ADCY2: variants seen among roughly 807,000 people sequenced by gnomAD.
The protein encoded by ADCY2 is adenylate cyclase 2.
In ADCY2, 31 loss-of-function variants were observed where a neutral mutation model predicts 125.2. The observed-to-expected ratio is 0.25, with a 90% CI of 0.19 to 0.33. The LOEUF (loss-of-function observed/expected upper bound fraction) is 0.33. Ranked by LOEUF, ADCY2 falls within the 10% of genes least tolerant of loss-of-function variation. ADCY2 has a pLI of 1.00. For synonymous variants in ADCY2, 512 were observed against 548.4 expected (o/e 0.93, Z 0.93); for missense variants, 904 against 1,418.2 (o/e 0.64, Z 5.82).
rs1744423216 is a variant in ADCY2, at chr5:7,520,915, C to T, written c.570+16C>T. The stretch of plus-strand genomic sequence containing the variant: ...GGTCTGGCAGGTGGGTGCACCTCCA[C>T]ATCCATGGAGAATGACTTTCCACAT... On this transcript the variant is annotated intron_variant, in intron 3 of 24. Transcript: ENST00000338316. The T allele has an allele frequency of 2.5e-6, 4 of 1,613,338 alleles. No individual in the cohort carries two copies. The highest frequency in any genetic ancestry group is 2.7e-5 in the African/African-American group (2 of 74,930).
intron 2 of ADCY2, among the ~76,000 whole-genome samples, chr5:7,515,367 T>G (rs974831948): frequency 3.9e-5 from 6 of 152,122 alleles, no homozygotes; most frequent in Admixed American, 1.3e-4. Flanking sequence ...GATCTTATGT[T>G]TTGGGGTAGG....
intron 3 of ADCY2, among the ~76,000 whole-genome samples, chr5:7,557,984 T>C (rs2126583782): frequency 6.6e-6 from 1 of 152,322 alleles, no homozygotes; most frequent in African/African-American, 2.4e-5. Flanking sequence ...TCTCACCAAC[T>C]GTGTATAAGC....
intron 7 of ADCY2, among the ~76,000 whole-genome samples, chr5:7,704,000 CA>C (rs11419642): frequency 3.6e-4 from 48 of 134,668 alleles, no homozygotes; most frequent in Admixed American, 4.3e-4. Context: ...AGATTCTGTC[CA>C]AAAAAAAAAA....
At chr5:7,609,337 C>G (rs1207852537) in intron 3 of ADCY2, among the ~76,000 whole-genome samples, 1 of 152,164 alleles carries the variant, frequency 6.6e-6, no homozygotes, top group Non-Finnish European at 1.5e-5. Context: ...TAATATAAGC[C>G]CATAAGGGCA....
At chr5:7,681,642 C>A (rs1278502857) in intron 4 of ADCY2, among the ~76,000 whole-genome samples, 2 of 152,216 alleles carry the variant, frequency 1.3e-5, no homozygotes, top group South Asian at 2.1e-4. Context: ...GGCACCAACT[C>A]TCACCCAGGG....
intron 2 of ADCY2, among the ~76,000 whole-genome samples, chr5:7,481,269 CTGT>C (rs1412637324): frequency 1.3e-5 from 2 of 151,804 alleles, no homozygotes; most frequent in African/African-American, 4.8e-5. Context: ...TTTGTTGTTG[CTGT>C]TGTTGTTCTT....
chr5:7,690,460 C>T (rs560913615), intron 4 of ADCY2: 1 of 339,600 alleles, frequency 2.9e-6, no homozygotes. Flanking sequence ...ATTCTTCATA[C>T]TGAAGAACAC....
At chr5:7,654,089 C>T in intron 4 of ADCY2, 1 of 456,216 alleles carries the variant, frequency 2.2e-6, no homozygotes, top group South Asian at 1.5e-5. Context: ...CACCCTGAGG[C>T]TGGGCGCAGT....
intron 3 of ADCY2, among the ~76,000 whole-genome samples, chr5:7,606,156 G>C (rs1165506356): frequency 6.6e-6 from 1 of 151,966 alleles, no homozygotes; most frequent in Admixed American, 6.5e-5. Context: ...TCTTGATCTG[G>C]GTGTTGTTTA....
At chr5:7,463,645 G>C (rs891227542) in intron 2 of ADCY2, among the ~76,000 whole-genome samples, 1 of 149,790 alleles carries the variant, frequency 6.7e-6, no homozygotes, top group Non-Finnish European at 1.5e-5. Flanking sequence ...AAAAGAATGA[G>C]ATCGTCCTGA....
rs1180762937 is a variant in ADCY2 at position 7,718,887 on chromosome 5, T to G, written c.1703+1650T>G. On this transcript the variant is annotated intron_variant, in intron 12 of 24. Transcript: ENST00000338316. ...ATAAAATATAGGTGGAAGGATGCTT[T>G]CACTGAAGCAGAGGAAATAGCATCT... 3.9e-5 allele frequency among the ~76,000 whole-genome samples: 6 copies of G among 152,076 alleles called. No individual in the cohort carries two copies. In the East Asian group the frequency reaches 1.2e-3, roughly 29 times the overall value.
chr5:7,593,595 C>T (rs1370211751), intron 3 of ADCY2, among the ~76,000 whole-genome samples: 1 of 152,096 alleles, frequency 6.6e-6, no homozygotes, highest in Non-Finnish European at 1.5e-5. Flanking sequence ...CTAAAACTCA[C>T]TCAAAAAGAA....
At chr5:7,476,993 T>A (rs1742549893) in intron 2 of ADCY2, among the ~76,000 whole-genome samples, 2 of 152,182 alleles carry the variant, frequency 1.3e-5, no homozygotes, top group South Asian at 2.1e-4. Flanking sequence ...TTACTTTGTG[T>A]CCAAGAAACT....
intron 2 of ADCY2, among the ~76,000 whole-genome samples, chr5:7,488,180 A>G (rs978734871): frequency 1.3e-5 from 2 of 152,074 alleles, no homozygotes; most frequent in African/African-American, 4.8e-5. Flanking sequence ...ATACTGTAAT[A>G]TGGGAGTGAA....
intron 2 of ADCY2, among the ~76,000 whole-genome samples, chr5:7,461,354 G>A (rs1741912041): frequency 2.0e-5 from 3 of 152,320 alleles, no homozygotes; most frequent in Non-Finnish European, 2.9e-5. Context: ...GGCAAGCTCC[G>A]CCTCAATGCA....
chr5:7,782,082 C>T lies in ADCY2; in HGVS notation c.2385-2283C>T, dbSNP rs115212627. ...GAACTTCAGAAGAGAAAAAGGCAGC[C>T]GTGTTTTGGTATGCCAGTTGGCTCT... On this transcript the variant is annotated intron_variant, in intron 18 of 24. Coordinates refer to ENST00000338316, the MANE Select transcript of ADCY2 (RefSeq NM_020546.3). 2.6e-3 allele frequency: 426 copies of T among 165,186 alleles called. 1 individual carries two copies. Among genetic ancestry groups the T allele is most frequent in the Non-Finnish European group, 5.1e-3 (347 of 68,186 alleles). 10.2% of individuals were successfully genotyped at this position (165,186 alleles called of 1,614,324 possible). A position where few individuals can be genotyped will look rare whatever the true frequency, so the allele number is the denominator to read the frequency against.
intron 4 of ADCY2, among the ~76,000 whole-genome samples, chr5:7,671,580 A>G (rs1739936980): frequency 1.3e-5 from 2 of 152,190 alleles, no homozygotes. Context: ...CATCCGTGAC[A>G]GCATATGAAT....
intron 4 of ADCY2, among the ~76,000 whole-genome samples, chr5:7,659,944 G>A (rs747298562): frequency 2.0e-5 from 3 of 152,156 alleles, no homozygotes; most frequent in Non-Finnish European, 4.4e-5. Context: ...TGAACACCAA[G>A]TACAATATAT....
intron 2 of ADCY2, among the ~76,000 whole-genome samples, chr5:7,464,558 A>G (rs985999099): frequency 3.9e-5 from 6 of 152,136 alleles, no homozygotes; most frequent in African/African-American, 1.2e-4. Context: ...GTAGCTTGTT[A>G]TGCAGCAGTA....
Sources: gnomAD v4.1 joint callset for allele counts (sites outside exome capture counted in the v4.1 genomes callset) on GRCh38, gnomAD v4.1.1 for gene constraint, MANE v1.5 for transcripts, NCBI Gene and HGNC (gene_info 2026-07-23, HGNC 2026-07-21) for gene names.